ARID1B: variants seen among roughly 807,000 people sequenced by gnomAD.
The protein encoded by ARID1B is AT-rich interactive domain-containing protein 1B.
Under a neutral mutation model 212.3 loss-of-function variants are expected in ARID1B, and 30 were observed. The observed-to-expected ratio is 0.14, with a 90% CI of 0.11 to 0.19. The LOEUF is 0.19. Among genes scored for constraint, ARID1B ranks in the 10% least tolerant of loss-of-function variants. ARID1B has a pLI of 1.00. For synonymous variants in ARID1B, 1,402 were observed against 1,301.7 expected (o/e 1.08, Z -1.66); for missense variants, 2,891 against 3,204.0 (o/e 0.90, Z 2.36).
At chr6:156,780,347 T>G (rs1024790290) in intron 1 of ARID1B, 20 of 152,204 alleles carry the variant, frequency 1.3e-4, no homozygotes, top group African/African-American at 4.8e-4. Flanking sequence ...GGGATCGTAT[T>G]TATTTGGATT....
In ARID1B at chr6:157,027,384, C is replaced by G. The variant is rs536916244; in HGVS notation, c.2248-57278C>G. Among the ~76,000 whole-genome samples, 12 of 152,280 alleles carry G rather than the reference C, an allele frequency of 7.9e-5. No individual in the cohort carries two copies. In the South Asian group the frequency reaches 2.5e-3, roughly 32 times the overall value. ...TGAACTTTGAAAGGTTTTAAATATG[C>G]ACTGTGATAAATGTCTTTGGTCGTA... On this transcript the variant is annotated intron_variant, in intron 4 of 19. Transcript: ENST00000636930.
At chr6:157,150,283 C>A (rs936861492) in intron 8 of ARID1B, 1 of 152,128 alleles carries the variant, frequency 6.6e-6, no homozygotes, top group Non-Finnish European at 1.5e-5. Flanking sequence ...CAAAGCTACG[C>A]GTGCCCCCTC....
At chr6:156,871,664 C>A (rs1377565644) in intron 2 of ARID1B, 1 of 1,610,642 alleles carries the variant, frequency 6.2e-7, no homozygotes, top group African/African-American at 1.3e-5. Flanking sequence ...CAAGTATCTT[C>A]TTACATGCTC....
chr6:156,941,076 A>G (rs565213505), intron 4 of ARID1B: 32 of 152,340 alleles, frequency 2.1e-4, no homozygotes, highest in African/African-American at 7.2e-4. Flanking sequence ...TAAAAAAATT[A>G]TAAGTTAATG....
At chr6:156,791,871 C>G (rs766949606) in intron 1 of ARID1B, among the ~76,000 whole-genome samples, 9 of 152,154 alleles carry the variant, frequency 5.9e-5, no homozygotes, top group Non-Finnish European at 1.0e-4. Context: ...ATGGGCATTG[C>G]TAATTCGTTT....
chr6:157,196,330 A>G lies in ARID1B; in HGVS notation c.4382+15A>G. The G allele has an allele frequency of 1.3e-6, 2 of 1,583,466 alleles. No individual in the cohort carries two copies. ...TACGACCGAAGGTGAGTATTTTTTA[A>G]GATGACAATATGATGATTTACTAGA... On this transcript the variant is annotated intron_variant, in intron 16 of 19. Transcript: ENST00000636930.
intron 6 of ARID1B, among the ~76,000 whole-genome samples, chr6:157,128,798 T>G (rs2128572671): frequency 6.6e-6 from 1 of 152,360 alleles, no homozygotes; most frequent in Non-Finnish European, 1.5e-5. Flanking sequence ...CATGTTCACA[T>G]TTACTCTTGA....
At chr6:156,911,548 C>T (rs774962433) in intron 3 of ARID1B, among the ~76,000 whole-genome samples, 2 of 152,054 alleles carry the variant, frequency 1.3e-5, no homozygotes, top group Non-Finnish European at 2.9e-5. Context: ...TTTGTCACTA[C>T]ATGTGTTATA....
Position 157,190,404 on chromosome 6 carries a change from G to A in ARID1B, c.4231+194G>A, listed in dbSNP as rs1034575217. Among the ~76,000 whole-genome samples the A allele has an allele frequency of 3.3e-5, 5 of 152,216 alleles. No homozygotes were observed. The highest frequency in any genetic ancestry group is 9.7e-5 in the African/African-American group (4 of 41,442). ...CTCTTTGTGCCCTCATCCTGTCCCC[G>A]GCTGGCCTCAGTGCCCTCAGCCTGT... On this transcript the variant is annotated intron_variant, in intron 15 of 19. Coordinates refer to ENST00000636930, the MANE Select transcript of ARID1B (RefSeq NM_001374828.1). The surrounding 1 kb of genome is among the most constrained non-coding windows in gnomAD (Gnocchi z 4.6).
At chr6:156,973,308 T>G (rs1777044897) in intron 4 of ARID1B, among the ~76,000 whole-genome samples, 1 of 152,240 alleles carries the variant, frequency 6.6e-6, no homozygotes, top group African/African-American at 2.4e-5. Context: ...GCGAGTTCTT[T>G]AGAACTGTGC....
chr6:157,181,943 C>T (rs1288365025), intron 12 of ARID1B, among the ~76,000 whole-genome samples: 2 of 152,172 alleles, frequency 1.3e-5, no homozygotes, highest in Non-Finnish European at 2.9e-5. Flanking sequence ...GAGAAAACTC[C>T]TGTGTAACAA....
At chr6:156,985,752 C>T (rs1777878054) in intron 4 of ARID1B, 1 of 152,140 alleles carries the variant, frequency 6.6e-6, no homozygotes, top group African/African-American at 2.4e-5. Context: ...GATAATAAAA[C>T]TTAAACGTCT....
intron 4 of ARID1B, among the ~76,000 whole-genome samples, chr6:156,963,348 A>G (rs1444372961): frequency 4.6e-5 from 7 of 151,984 alleles, no homozygotes; most frequent in African/African-American, 9.7e-5. Context: ...GAAGATTACT[A>G]TTTTCTCTTT....
chr6:157,010,278 G>GTTTTTTTTT (rs367851681), intron 4 of ARID1B, among the ~76,000 whole-genome samples: 22 of 102,280 alleles, frequency 2.2e-4, no homozygotes, highest in East Asian at 6.3e-4. Flanking sequence ...TGCATTGCCT[G>GTTTTTTTTT]TTTTTTTTTT....
intron 4 of ARID1B, among the ~76,000 whole-genome samples, chr6:156,975,402 T>G (rs1239794742): frequency 6.6e-6 from 1 of 152,188 alleles, no homozygotes; most frequent in Admixed American, 6.5e-5. Flanking sequence ...ATCATATATA[T>G]GATTTGCAGA....
intron 3 of ARID1B, among the ~76,000 whole-genome samples, chr6:156,926,511 C>T (rs1791229076): frequency 6.6e-6 from 1 of 152,170 alleles, no homozygotes; most frequent in Admixed American, 6.5e-5. Flanking sequence ...AGTTGCCTTT[C>T]ATACCATTAA....
At chr6:157,092,029 A>G (rs994135153) in intron 5 of ARID1B, among the ~76,000 whole-genome samples, 5 of 152,234 alleles carry the variant, frequency 3.3e-5, no homozygotes, top group Non-Finnish European at 7.3e-5. Context: ...CTTATTGGCA[A>G]GCCGAGGAGG....
intron 4 of ARID1B, among the ~76,000 whole-genome samples, chr6:157,045,007 G>A (rs1782136807): frequency 6.6e-6 from 1 of 152,142 alleles, no homozygotes; most frequent in African/African-American, 2.4e-5. Flanking sequence ...AATTAGAACA[G>A]CCATTTTAAA....
chr6:157,079,482 A>G (rs1784506670), intron 4 of ARID1B, among the ~76,000 whole-genome samples: 1 of 152,212 alleles, frequency 6.6e-6, no homozygotes, highest in Non-Finnish European at 1.5e-5. Flanking sequence ...ATATCACGTG[A>G]CCAAAAATGA....
Sources: allele counts gnomAD v4.1 joint callset (sites outside exome capture counted in the v4.1 genomes callset), GRCh38; gene constraint gnomAD v4.1.1; non-coding constraint Gnocchi (gnomAD v3.1); transcripts MANE v1.5; gene names NCBI Gene and HGNC (gene_info 2026-07-23, HGNC 2026-07-21).